The following NEIL3 variants were observed in gnomAD, a reference collection of about 807,000 sequenced individuals.
NEIL3 encodes the protein endonuclease 8-like 3.
In NEIL3, 48 loss-of-function variants were observed where a neutral mutation model predicts 57.5. The observed-to-expected ratio is 0.83, with a 90% CI of 0.66 to 1.06. The LOEUF is 1.06. NEIL3 is among the 50% of genes least tolerant of loss of function. The pLI is 0.00. For synonymous variants in NEIL3, 261 were observed against 253.2 expected (o/e 1.03, Z -0.29); for missense variants, 717 against 739.1 (o/e 0.97, Z 0.35).
intron 1 of NEIL3, among the ~76,000 whole-genome samples, chr4:177,318,816 CTT>C (rs897616751): frequency 1.6e-4 from 24 of 152,106 alleles, no homozygotes; most frequent in African/African-American, 5.3e-4. Flanking sequence ...TTTTTCTACT[CTT>C]TTTCCTTACT....
intron 5 of NEIL3, 21 bp downstream of exon 5, chr4:177,339,878 CTG>C: frequency 6.5e-7 from 1 of 1,549,788 alleles, no homozygotes; most frequent in Non-Finnish European, 8.9e-7. Context: ...AATTTTTCAA[CTG>C]TGTAAAATGT....
In NEIL3 at chr4:177,360,857, G is replaced by T. The variant is rs35771219; in HGVS notation, c.1635+180G>T. Among the ~76,000 whole-genome samples, 234 of 152,264 alleles carry T rather than the reference G, an allele frequency of 1.5e-3. 1 individual carries two copies. Among genetic ancestry groups the T allele is most frequent in the Non-Finnish European group, 3.0e-3 (202 of 68,018 alleles). ...TTAAAATTCAGATGTTCAGCCACAA[G>T]AAATTTAATAAAATAATAGCTATTA... On this transcript the variant is annotated intron_variant, in intron 9 of 9. Coordinates refer to ENST00000264596, the MANE Select transcript of NEIL3 (RefSeq NM_018248.3).
At chr4:177,361,034 G>A (rs774482207) in intron 9 of NEIL3, among the ~76,000 whole-genome samples, 3 of 152,108 alleles carry the variant, frequency 2.0e-5, no homozygotes, top group Admixed American at 1.3e-4. Context: ...TAACTTCAGC[G>A]CTACATCAAA....
chr4:177,316,016 A>G (rs1245414393), intron 1 of NEIL3, among the ~76,000 whole-genome samples: 1 of 152,226 alleles, frequency 6.6e-6, no homozygotes, highest in African/African-American at 2.4e-5. Flanking sequence ...GAAACCATGC[A>G]TAGTATCGAA....
chr4:177,353,120 A>G (rs1735393243), intron 7 of NEIL3, among the ~76,000 whole-genome samples, 188 bp from the exon 8 acceptor site: 1 of 152,134 alleles, frequency 6.6e-6, no homozygotes, highest in Non-Finnish European at 1.5e-5. Flanking sequence ...ATTTTACATA[A>G]TATTTCATTT....
At chr4:177,325,345 T>C (rs898332966) in intron 2 of NEIL3, among the ~76,000 whole-genome samples, 4 of 152,160 alleles carry the variant, frequency 2.6e-5, no homozygotes, top group African/African-American at 9.6e-5. Flanking sequence ...TATAATACTT[T>C]AAGATTCATT....
intron 6 of NEIL3, among the ~76,000 whole-genome samples, chr4:177,348,357 G>A (rs914290115): frequency 7.2e-5 from 11 of 152,172 alleles, no homozygotes; most frequent in African/African-American, 2.7e-4. Context: ...GAGTTAGGGT[G>A]GGTAGTATAG....
At chr4:177,324,466 G>C (rs978722054) in intron 2 of NEIL3, among the ~76,000 whole-genome samples, 1 of 152,098 alleles carries the variant, frequency 6.6e-6, no homozygotes. Flanking sequence ...GCCTCTAAAA[G>C]AATCTGCCCT....
downstream of NEIL3, among the ~76,000 whole-genome samples, chr4:177,364,349 A>G (rs879611033): frequency 2.0e-5 from 3 of 152,182 alleles, no homozygotes; most frequent in Non-Finnish European, 4.4e-5. Context: ...AATTTAGAAG[A>G]AAGAATAGGC....
At chr4:177,358,058 G>A (rs1056335318) in intron 8 of NEIL3, among the ~76,000 whole-genome samples, 10 of 152,138 alleles carry the variant, frequency 6.6e-5, no homozygotes, top group Admixed American at 1.3e-4. Flanking sequence ...TGCATATTTA[G>A]AGCCAGTGTG....
rs1735624350 is a variant in NEIL3 at position 177,362,303 on chromosome 4, C to T, written c.1650C>T (p.Ser550=). ...QCGFFEWADL[S]FPFCNHGKRS... ...TTTTCCTGCAGTGGGCAGATTTGTC[C>T]TTCCCATTCTGCAACCATGGCAAGC... The change falls in exon 10 of 10, where the codon TCC becomes TCT. Residue 550 remains serine, a synonymous_variant. Transcript: ENST00000264596. 1 of 1,601,048 alleles carries T rather than the reference C, an allele frequency of 6.2e-7. No homozygotes were observed.
At position 177,322,512 on chromosome 4, in the gene NEIL3, A is replaced by T; in HGVS notation, c.210A>T (p.Gly70=). 6.2e-7 allele frequency: 1 copy of T among 1,613,964 alleles called. No individual in the cohort carries two copies. Among genetic ancestry groups the T allele is most frequent in the African/African-American group, 1.3e-5 (1 of 75,018 alleles). Residue 70 remains glycine, a synonymous_variant, in exon 2 of 10, where the codon GGA becomes GGT. Coordinates refer to ENST00000264596, the MANE Select transcript of NEIL3 (RefSeq NM_018248.3). The part of the protein sequence containing the change: ...SSQNVLSLFN[G]YVYSGVETLG... Reference sequence around the variant, plus strand: ...AGAATGTCTTGAGCCTGTTTAATGGATATGTTTACAGTGGCGTGGAAACTT... The same window carrying T: ...AGAATGTCTTGAGCCTGTTTAATGGTTATGTTTACAGTGGCGTGGAAACTT...
At chr4:177,341,299 C>T (rs989730212) in intron 5 of NEIL3, among the ~76,000 whole-genome samples, 177 bp from the exon 6 acceptor site, 2 of 152,010 alleles carry the variant, frequency 1.3e-5, no homozygotes, top group East Asian at 1.9e-4. Flanking sequence ...ACAAATATTA[C>T]CAAATCTTGT....
chr4:177,317,613 T>TTTTTTTTTG (rs1734600618), intron 1 of NEIL3, among the ~76,000 whole-genome samples: 1 of 138,538 alleles, frequency 7.2e-6, no homozygotes, highest in Non-Finnish European at 1.6e-5. Context: ...TTTTTTTTTT[T>TTTTTTTTTG]TTTTTTTTGA....
intron 4 of NEIL3, among the ~76,000 whole-genome samples, chr4:177,337,831 C>G (rs1301592230): frequency 2.0e-5 from 3 of 152,098 alleles, no homozygotes; most frequent in African/African-American, 7.2e-5. Context: ...CCATCCTGGC[C>G]AACATGGTGA....
At chr4:177,353,765 CTTTTTTTT>C in intron 8 of NEIL3, 37 bp downstream of exon 8, 2 of 1,214,660 alleles carry the variant, frequency 1.6e-6, no homozygotes, top group Non-Finnish European at 1.1e-6. Context: ...AAGATAATTG[CTTTTTTTT>C]TTTTTTTTTT....
intron 1 of NEIL3, among the ~76,000 whole-genome samples, chr4:177,319,405 A>G (rs890979447): frequency 1.3e-5 from 2 of 152,184 alleles, no homozygotes; most frequent in Non-Finnish European, 2.9e-5. Flanking sequence ...ATAATTGGCC[A>G]ATCGGACATT....
Position 177,338,415 on chromosome 4 carries a change from A to G in NEIL3, c.628-1368A>G, listed in dbSNP as rs567129177. Among the ~76,000 whole-genome samples the G allele has an allele frequency of 2.1e-3, 317 of 152,258 alleles. 1 individual carries two copies. The highest frequency in any genetic ancestry group is 3.6e-3 in the Non-Finnish European group (244 of 68,022). ...TGGCCCTAGGGACACTGCTACACAA[A>G]AAGTCAGCCCTACACACATGCAGGC... On this transcript the variant is annotated intron_variant, in intron 4 of 9. Coordinates refer to ENST00000264596, the MANE Select transcript of NEIL3 (RefSeq NM_018248.3).
At chr4:177,320,645 T>C (rs369767273) in intron 1 of NEIL3, among the ~76,000 whole-genome samples, 2 of 150,896 alleles carry the variant, frequency 1.3e-5, no homozygotes, top group East Asian at 2.0e-4. Context: ...GCCCGGCTAA[T>C]TTTTTTTGTA....
Sources: allele counts gnomAD v4.1 joint callset (sites outside exome capture counted in the v4.1 genomes callset), GRCh38; gene constraint gnomAD v4.1.1; transcripts MANE v1.5; gene names NCBI Gene and HGNC (gene_info 2026-07-23, HGNC 2026-07-21).